The following WDR62 variants were observed in gnomAD, a reference collection of about 807,000 sequenced individuals.
The protein encoded by WDR62 is WD repeat-containing protein 62.
Under a neutral mutation model 160.6 loss-of-function variants are expected in WDR62, and 112 were observed. The observed-to-expected ratio is 0.70, with a 90% CI of 0.60 to 0.82. The LOEUF is 0.82. Among genes scored for constraint, WDR62 ranks in the 40% least tolerant of loss-of-function variants. The pLI, the probability that WDR62 is intolerant of heterozygous loss-of-function variation, is 0.00. For synonymous variants in WDR62, 792 were observed against 815.1 expected (o/e 0.97, Z 0.48); for missense variants, 1,819 against 1,983.8 (o/e 0.92, Z 1.58).
At chr19:36,088,978 C>T (rs1972421816) in intron 13 of WDR62, 60 bp from the exon 14 acceptor site, 20 of 1,588,374 alleles carry the variant, frequency 1.3e-5, no homozygotes, top group Non-Finnish European at 1.7e-5. Flanking sequence ...AGTTCCCCAG[C>T]TAGGGTCCCC....
intron 8 of WDR62, 26 bp from the exon 9 acceptor site, chr19:36,073,316 A>T (rs962004924): frequency 1.9e-6 from 3 of 1,613,316 alleles, no homozygotes; most frequent in Non-Finnish European, 2.5e-6. Flanking sequence ...ATTGATGGTG[A>T]TTGATTACCC....
intron 26 of WDR62, 188 bp from the exon 27 acceptor site, chr19:36,102,549 C>T (rs1973429549): frequency 3.2e-6 from 2 of 622,866 alleles, no homozygotes; most frequent in Admixed American, 2.8e-5. Context: ...GCGTGAGCCA[C>T]CGTGCCCGGC....
chr19:36,110,953 G>A, the WDR62 span, among the ~76,000 whole-genome samples: 1 of 151,962 alleles, frequency 6.6e-6, no homozygotes, highest in African/African-American at 2.4e-5. Context: ...CTGCTTGGTG[G>A]TCCTAGTGCT....
chr19:36,100,986 A>G (rs1208826921), intron 23 of WDR62, 111 bp downstream of exon 23: 1 of 1,548,080 alleles, frequency 6.5e-7, no homozygotes. Context: ...GAGTGGGGAC[A>G]GTTGAGGCCT....
intron 3 of WDR62, chr19:36,060,243 C>A: frequency 1.6e-6 from 1 of 607,932 alleles, no homozygotes; most frequent in Non-Finnish European, 3.0e-6. Flanking sequence ...TAGAGCGAGA[C>A]AGACTGTAAA....
intron 3 of WDR62, among the ~76,000 whole-genome samples, chr19:36,065,097 C>T (rs1333590649): frequency 1.3e-5 from 2 of 152,126 alleles, no homozygotes; most frequent in Non-Finnish European, 2.9e-5. Context: ...TGTAGCTGTA[C>T]CTGCATAGTT....
In WDR62 at chr19:36,103,520, G is replaced by A. The variant is rs1443977030; in HGVS notation, c.3692G>A (p.Ser1231Asn). 6 of 1,614,114 alleles carry A rather than the reference G, an allele frequency of 3.7e-6. No individual in the cohort carries two copies. The highest frequency in any genetic ancestry group is 1.1e-5 in the South Asian group (1 of 91,088). ...AGCTCCCGTGCCAGGATATCACGCA[G>A]CATCTCCCTCGGTGACAGTGAGGGC... ...TASSRARISR[S>N]ISLGDSEGPI... The change falls in exon 30 of 32, where the codon AGC becomes AAC. Residue 1231 changes from serine (S) to asparagine (N), a missense_variant. By Grantham distance (46) the Ser-to-Asn change is conservative. Transcript: ENST00000401500.
chr19:36,058,843 G>A lies in WDR62; in HGVS notation c.241G>A (p.Gly81Ser), dbSNP rs201714619. 125 of 1,614,216 alleles carry A rather than the reference G, an allele frequency of 7.7e-5. No individual in the cohort carries two copies. The East Asian group carries it at 1.6e-3, about 20-fold the overall frequency. The stretch of plus-strand genomic sequence containing the variant: ...CAGCAGTGGCCTAACCTGTGACCCC[G>A]GCACAGGCCATGTGGCCTACCTGGC... ...QNSSGLTCDPGTGHVAYLAGC... is the reference protein window; with the variant it reads ...QNSSGLTCDPSTGHVAYLAGC... Residue 81 changes from glycine to serine, a missense_variant, in exon 2 of 32, where the codon GGC becomes AGC. Around this residue, in one of 3 missense-constraint regions of WDR62, gnomAD observed 934 missense variants for 1,157.2 expected, o/e 0.81. Transcript: ENST00000401500.
chr19:36,085,713 A>G (rs1972186021), intron 12 of WDR62, among the ~76,000 whole-genome samples: 2 of 152,186 alleles, frequency 1.3e-5, no homozygotes, highest in Admixed American at 1.3e-4. Context: ...CATTAAAACA[A>G]CAGAAAATTC....
Position 36,091,660 on chromosome 19 carries a change from G to A in WDR62, c.2210+195G>A, listed in dbSNP as rs533075668. The stretch of plus-strand genomic sequence containing the variant: ...GCCTGTAACCCCAGCACTTTGGGAC[G>A]CTGAGGCGGGTGGATCACTTGAGCT... On this transcript the variant is annotated intron_variant, in intron 18 of 31. Transcript: ENST00000401500. 1.1e-4 allele frequency among the ~76,000 whole-genome samples: 17 copies of A among 152,280 alleles called. No individual in the cohort carries two copies. In the East Asian group the frequency reaches 2.1e-3, roughly 19 times the overall value.
chr19:36,079,877 G>A (rs994543685), intron 9 of WDR62, among the ~76,000 whole-genome samples: 2 of 151,962 alleles, frequency 1.3e-5, no homozygotes, highest in African/African-American at 4.8e-5. Flanking sequence ...TGTAGGTTTG[G>A]GTTTTGCTAT....
chr19:36,103,762 C>T lies in WDR62; in HGVS notation c.3934C>T (p.Pro1312Ser), dbSNP rs780355354. The T allele has an allele frequency of 6.2e-7, 1 of 1,610,902 alleles. No individual in the cohort carries two copies. The highest frequency in any genetic ancestry group is 8.5e-7 in the Non-Finnish European group (1 of 1,179,804). The change falls in exon 30 of 32, where the codon CCC (proline) becomes TCC (serine). Residue 1312 changes from proline (P) to serine (S), a missense_variant. By Grantham distance (74) the Pro-to-Ser change is moderately conservative. This residue lies in a region of WDR62 where 770 missense variants were observed against 734.2 expected (regional missense o/e 1.05). Transcript: ENST00000401500. ...TGCCTGTGATGGGCTCCTGCAGCCC[C>T]CCGTGGATACCCAGCCTGGCGTCAC... Reference protein sequence around the residue: ...SSACDGLLQPPVDTQPGVTVP... With the variant: ...SSACDGLLQPSVDTQPGVTVP...
rs151119220 is a variant in WDR62 at position 36,100,772 on chromosome 19, C to G, written c.2764C>G (p.Arg922Gly). The G allele has an allele frequency of 6.2e-7, 1 of 1,614,146 alleles. No individual in the cohort carries two copies. The highest frequency in any genetic ancestry group is 1.1e-5 in the South Asian group (1 of 91,088). ...SESESPQEAG[R>G]GHPSFLPQQK... is the part of the protein sequence containing the mutation. ...GTCAGAGAGTCCCCAGGAAGCTGGC[C>G]GCGGGCACCCCTCCTTCCTGCCCCA... The change falls in exon 23 of 32, where the codon CGC (arginine) becomes GGC (glycine). Residue 922 changes from arginine to glycine, a missense_variant. By Grantham distance (125) the Arg-to-Gly change is moderately radical. This residue lies in a region of WDR62 where 934 missense variants were observed against 1,157.2 expected (regional missense o/e 0.81). Transcript: ENST00000401500.
intron 8 of WDR62, 84 bp downstream of exon 8, chr19:36,071,800 A>G (rs998279900): frequency 2.6e-5 from 39 of 1,510,210 alleles, no homozygotes; most frequent in Middle Eastern, 4.5e-4. Context: ...AGATCCATCT[A>G]TCTGTCTGTC....
chr19:36,069,096 G>C (rs527346341), intron 7 of WDR62, among the ~76,000 whole-genome samples: 1 of 150,296 alleles, frequency 6.7e-6, no homozygotes, highest in Non-Finnish European at 1.5e-5. Context: ...CCTCCCTCCC[G>C]GACGGAGCGG....
Position 36,067,808 on chromosome 19 carries a change from T to TA in WDR62, c.700-19dup. On this transcript the variant is annotated intron_variant, in intron 6 of 31. Coordinates refer to ENST00000401500, the MANE Select transcript of WDR62 (RefSeq NM_001083961.2). Reference sequence around the variant, plus strand: ...CCAGCTGTGTGGACAAGTATCTCACTACGCCCTCTGTGTCTCCAGGTGACG... The same window carrying TA: ...CCAGCTGTGTGGACAAGTATCTCACTAACGCCCTCTGTGTCTCCAGGTGACG... 6.2e-7 allele frequency: 1 copy of TA among 1,613,388 alleles called. No individual in the cohort carries two copies. Among genetic ancestry groups the TA allele is most frequent in the Middle Eastern group, 1.8e-4 (1 of 5,650 alleles).
At chr19:36,091,341 C>CG in intron 17 of WDR62, 30 bp downstream of exon 17, 5 of 1,375,730 alleles carry the variant, frequency 3.6e-6, no homozygotes, top group East Asian at 2.5e-5. Context: ...TGGGATGCCT[C>CG]CCCACCCGCC....
chr19:36,059,837 A>AG (rs981803354), intron 2 of WDR62, 131 bp from the exon 3 acceptor site: 89 of 888,550 alleles, frequency 1.0e-4, no homozygotes, highest in Non-Finnish European at 1.5e-4. Context: ...CACCTGGAGG[A>AG]GGGGGAGGAG....
chr19:36,084,756 G>A lies in WDR62; in HGVS notation c.1642+12G>A, dbSNP rs747994672. The stretch of plus-strand genomic sequence containing the variant: ...CAAGCCAGAGACGGGTGAGCCCGCA[G>A]CAGGGGTGGAATGGGGGTCAGGCAG... On this transcript the variant is annotated intron_variant, in intron 12 of 31. Transcript: ENST00000401500. 9 of 1,611,862 alleles carry A rather than the reference G, an allele frequency of 5.6e-6. No individual in the cohort carries two copies. The African/African-American group carries it at 9.3e-5, about 17-fold the overall frequency.
Sources: allele counts gnomAD v4.1 joint callset (sites outside exome capture counted in the v4.1 genomes callset), GRCh38; gene constraint gnomAD v4.1.1; regional missense constraint gnomAD v4.1.1; transcripts MANE v1.5; gene names NCBI Gene and HGNC (gene_info 2026-07-23, HGNC 2026-07-21).